Variants in PDE1A observed in about 807,000 individuals in gnomAD.
The protein encoded by PDE1A is phosphodiesterase 1A.
Under a neutral mutation model 61.7 loss-of-function variants are expected in PDE1A, and 35 were observed. That is an observed-to-expected ratio of 0.57 (90% CI 0.43 to 0.75). The LOEUF (loss-of-function observed/expected upper bound fraction) is 0.75. Ranked by LOEUF, PDE1A falls within the 30% of genes least tolerant of loss-of-function variation. The pLI is 0.00. For missense variants in PDE1A, 597 were observed against 630.6 expected, an observed-to-expected ratio of 0.95 and a Z score of 0.57; for synonymous variants, 232 against 213.2, an observed-to-expected ratio of 1.09 and a Z score of -0.77.
At chr2:182,554,039 T>A in the PDE1A span, among the ~76,000 whole-genome samples, 1 of 152,262 alleles carries the variant, frequency 6.6e-6, no homozygotes, top group Non-Finnish European at 1.5e-5. Flanking sequence ...TTTCAGTAGA[T>A]AACTCAACTT....
At chr2:182,143,753 G>A (rs1056205498), downstream of PDE1A, among the ~76,000 whole-genome samples, 2 of 152,150 alleles carry the variant, frequency 1.3e-5, no homozygotes, top group Admixed American at 6.5e-5. Context: ...CTGATCTCAT[G>A]ATCCACCCAC....
the PDE1A span, among the ~76,000 whole-genome samples, chr2:182,690,051 CA>C: frequency 6.6e-6 from 1 of 151,884 alleles, no homozygotes; most frequent in African/African-American, 2.4e-5. Context: ...GCTTACCAAC[CA>C]AAAAAAGTCC....
At chr2:182,388,098 T>C (rs535884646) in intron 1 of PDE1A, among the ~76,000 whole-genome samples, 5 of 152,318 alleles carry the variant, frequency 3.3e-5, no homozygotes, top group Non-Finnish European at 7.3e-5. Context: ...GATCATTATA[T>C]AATGATGGAG....
chr2:182,605,124 TAAC>T, the PDE1A span, among the ~76,000 whole-genome samples: 16 of 151,910 alleles, frequency 1.1e-4, no homozygotes, highest in Middle Eastern at 6.8e-3. Context: ...CATTTGACCT[TAAC>T]AATTCATTTC....
At chr2:182,413,083 C>G (rs1001990215) in intron 1 of PDE1A, among the ~76,000 whole-genome samples, 1 of 151,984 alleles carries the variant, frequency 6.6e-6, no homozygotes, top group Non-Finnish European at 1.5e-5. Context: ...GGAAGGGAAG[C>G]GTAAGACAGG....
At chr2:182,428,618 A>G (rs1703759584), upstream of PDE1A, among the ~76,000 whole-genome samples, 1 of 152,156 alleles carries the variant, frequency 6.6e-6, no homozygotes, top group Non-Finnish European at 1.5e-5. Context: ...TTTGAAGCAG[A>G]TGCTTTATTA....
At chr2:182,286,720 C>T (rs1488731376) in intron 1 of PDE1A, among the ~76,000 whole-genome samples, 1 of 152,128 alleles carries the variant, frequency 6.6e-6, no homozygotes, top group Non-Finnish European at 1.5e-5. Context: ...GTGCTCATAG[C>T]TTCCACTCAT....
intron 2 of PDE1A, among the ~76,000 whole-genome samples, chr2:182,486,728 T>C (rs967401830): frequency 1.3e-5 from 2 of 152,100 alleles, no homozygotes; most frequent in African/African-American, 4.8e-5. Context: ...TAGATATCCA[T>C]ATGCAAAAAT....
the PDE1A span, among the ~76,000 whole-genome samples, chr2:182,555,562 A>G: frequency 3.3e-5 from 5 of 152,236 alleles, no homozygotes; most frequent in African/African-American, 1.2e-4. Context: ...AATATGTACT[A>G]AGAATGCATA....
At chr2:182,662,336 A>C in the PDE1A span, among the ~76,000 whole-genome samples, 1 of 73,736 alleles carries the variant, frequency 1.4e-5, no homozygotes, top group South Asian at 4.5e-4. Flanking sequence ...AATTGAAAAA[A>C]AAAAGAAAAA....
At chr2:182,261,840 T>TTA (rs1692239316) in intron 2 of PDE1A, among the ~76,000 whole-genome samples, 1 of 152,196 alleles carries the variant, frequency 6.6e-6, no homozygotes, top group Non-Finnish European at 1.5e-5. Flanking sequence ...GTAGTTAGCA[T>TTA]TATGCCATTA....
upstream of PDE1A, among the ~76,000 whole-genome samples, chr2:182,429,471 G>A (rs1216516825): frequency 6.6e-6 from 1 of 151,870 alleles, no homozygotes; most frequent in Middle Eastern, 3.2e-3. Context: ...TCCTGAGGGG[G>A]GTCAGAAAGG....
At chr2:182,693,434 C>T in the PDE1A span, among the ~76,000 whole-genome samples, 2 of 152,172 alleles carry the variant, frequency 1.3e-5, no homozygotes, top group African/African-American at 2.4e-5. Context: ...TAATGTGCAG[C>T]AGCCTTTTAT....
At position 182,215,438 on chromosome 2, in the gene PDE1A, A is replaced by C. The variant is rs1017347476; in HGVS notation, c.776+8426T>G. 1.4e-4 allele frequency among the ~76,000 whole-genome samples: 21 copies of C among 149,132 alleles called. 1 individual carries two copies. The highest frequency in any genetic ancestry group is 5.0e-4 in the African/African-American group (20 of 40,198). ...ATCAGAGCAGAACTGAAGGAAATAGAGACATAAAAAACCCTTCAAAAAATT... is the reference window on the plus strand; with the variant it reads ...ATCAGAGCAGAACTGAAGGAAATAGCGACATAAAAAACCCTTCAAAAAATT... On this transcript the variant is annotated intron_variant, in intron 7 of 13. Transcript: ENST00000351439.
At chr2:182,208,298 C>T (rs904089095) in intron 7 of PDE1A, among the ~76,000 whole-genome samples, 1 of 152,098 alleles carries the variant, frequency 6.6e-6, no homozygotes, top group African/African-American at 2.4e-5. Context: ...AGGAAACTTA[C>T]AATCATGATG....
intron 1 of PDE1A, among the ~76,000 whole-genome samples, chr2:182,420,792 G>A (rs1387373956): frequency 6.6e-6 from 1 of 152,120 alleles, no homozygotes; most frequent in African/African-American, 2.4e-5. Context: ...TAATAAATCT[G>A]GAAGTATTAT....
rs74984401 is a variant in PDE1A at position 182,508,109 on chromosome 2, C to CT, written c.101+14166dup. Among the ~76,000 whole-genome samples the CT allele has an allele frequency of 1.0e-3, 143 of 139,242 alleles. 1 individual carries two copies. Among genetic ancestry groups the CT allele is most frequent in the East Asian group, 1.7e-3 (8 of 4,804 alleles). The allele number at this position is 139,242 out of a possible 152,430, so 91.3% of individuals were successfully genotyped here. On this transcript the variant is annotated intron_variant, in intron 2 of 14. Coordinates refer to the PDE1A transcript ENST00000410103. ...GTACCTAGATTTAATGGTTAGAATT[C>CT]TTTTTTTTTTTTTAAGGATAAAAAT... is the stretch of plus-strand genomic sequence containing the variant.
chr2:182,592,786 A>G, the PDE1A span, among the ~76,000 whole-genome samples: 1 of 152,206 alleles, frequency 6.6e-6, no homozygotes, highest in African/African-American at 2.4e-5. Context: ...GAATCAGAAA[A>G]CAAGTCAAAA....
chr2:182,297,041 G>C (rs1203985718), intron 1 of PDE1A, among the ~76,000 whole-genome samples: 1 of 152,152 alleles, frequency 6.6e-6, no homozygotes, highest in African/African-American at 2.4e-5. Context: ...CCAGAAAGCA[G>C]ATCTTGGGAC....
Sources: allele counts gnomAD v4.1 joint callset (sites outside exome capture counted in the v4.1 genomes callset), GRCh38; gene constraint gnomAD v4.1.1; transcripts MANE v1.5; gene names NCBI Gene and HGNC (gene_info 2026-07-23, HGNC 2026-07-21).